The following MARCHF1 variants were observed in gnomAD, a reference collection of about 807,000 sequenced individuals.
MARCHF1 encodes E3 ubiquitin-protein ligase MARCHF1.
Under a neutral mutation model 54.2 loss-of-function variants are expected in MARCHF1, and 40 were observed. The observed-to-expected ratio is 0.74, with a 90% CI of 0.57 to 0.96. The LOEUF (loss-of-function observed/expected upper bound fraction) is 0.96. Among genes scored for constraint, MARCHF1 ranks in the 40% least tolerant of loss-of-function variants. MARCHF1 has a pLI of 0.00. For synonymous variants in MARCHF1, 236 were observed against 236.3 expected (o/e 1.00, Z 0.01); for missense variants, 586 against 656.5 (o/e 0.89, Z 1.17).
intron 5 of MARCHF1, among the ~76,000 whole-genome samples, chr4:163,700,593 C>T (rs1236621172): frequency 1.4e-5 from 2 of 147,432 alleles, no homozygotes; most frequent in Non-Finnish European, 3.0e-5. Context: ...AGGAAATTAT[C>T]TCTTGCACAC....
At chr4:164,105,923 AAAAC>A (rs1214780468) in intron 2 of MARCHF1, among the ~76,000 whole-genome samples, 8 of 147,854 alleles carry the variant, frequency 5.4e-5, no homozygotes, top group Admixed American at 4.0e-4. Flanking sequence ...TTACAAGAAA[AAAAC>A]AAACAACCCC....
intron 5 of MARCHF1, among the ~76,000 whole-genome samples, chr4:163,657,922 T>G (rs184150572): frequency 5.9e-5 from 9 of 152,210 alleles, no homozygotes; most frequent in Admixed American, 2.0e-4. Flanking sequence ...CAAGATGGAT[T>G]AAAGACTTAA....
At chr4:163,799,663 C>T (rs906833775) in intron 4 of MARCHF1, among the ~76,000 whole-genome samples, 2 of 152,016 alleles carry the variant, frequency 1.3e-5, no homozygotes, top group African/African-American at 2.4e-5. Context: ...AAAAATAAGA[C>T]AGTAACCATT....
chr4:164,083,078 T>C (rs1055334544), intron 2 of MARCHF1, among the ~76,000 whole-genome samples: 2 of 152,180 alleles, frequency 1.3e-5, no homozygotes, highest in Middle Eastern at 3.2e-3. Context: ...CATGTACCAC[T>C]CTTCATTTCT....
intron 4 of MARCHF1, among the ~76,000 whole-genome samples, chr4:163,798,334 A>G (rs987540028): frequency 1.3e-5 from 2 of 152,136 alleles, no homozygotes; most frequent in African/African-American, 4.8e-5. Flanking sequence ...TGGAACCCTG[A>G]TTTTAGATTT....
chr4:163,816,961 A>T (rs1313404489), intron 4 of MARCHF1, among the ~76,000 whole-genome samples: 1 of 151,968 alleles, frequency 6.6e-6, no homozygotes, highest in Non-Finnish European at 1.5e-5. Context: ...GGTTCAACCT[A>T]ATTTGCTTGG....
At chr4:163,800,994 C>T (rs748010098) in intron 4 of MARCHF1, among the ~76,000 whole-genome samples, 1 of 152,110 alleles carries the variant, frequency 6.6e-6, no homozygotes, top group Non-Finnish European at 1.5e-5. Context: ...ATCCTGTAGA[C>T]TACCATGAAC....
Position 163,890,746 on chromosome 4 carries a change from C to T in MARCHF1, c.-38-36577G>A, listed in dbSNP as rs909629191. On this transcript the variant is annotated intron_variant, in intron 3 of 9. Transcript: ENST00000514618. ...TTGTGTATAATTACTTTTGGAATAA[C>T]AATCTGCCTGCCTTGGCCTCCCAAA... 4.6e-5 allele frequency among the ~76,000 whole-genome samples: 7 copies of T among 151,894 alleles called. No individual in the cohort carries two copies. In the East Asian group the frequency reaches 1.4e-3, roughly 30 times the overall value.
intron 3 of MARCHF1, among the ~76,000 whole-genome samples, chr4:163,951,008 G>A (rs763442582): frequency 2.0e-5 from 3 of 152,132 alleles, no homozygotes; most frequent in Non-Finnish European, 4.4e-5. Context: ...AGAGAGTCAA[G>A]TCATGTAAAC....
At chr4:164,207,622 A>G (rs1202525112) in intron 1 of MARCHF1, among the ~76,000 whole-genome samples, 1 of 152,176 alleles carries the variant, frequency 6.6e-6, no homozygotes, top group Non-Finnish European at 1.5e-5. Flanking sequence ...TAGAGCTAGC[A>G]GATGAAGGGC....
chr4:163,951,045 G>C (rs1347666443), intron 3 of MARCHF1, among the ~76,000 whole-genome samples: 1 of 152,030 alleles, frequency 6.6e-6, no homozygotes, highest in Non-Finnish European at 1.5e-5. Context: ...CAAAAAATGA[G>C]AGCACACAAA....
intron 2 of MARCHF1, among the ~76,000 whole-genome samples, chr4:164,014,379 A>G (rs185767519): frequency 1.3e-5 from 2 of 152,266 alleles, no homozygotes; most frequent in African/African-American, 2.4e-5. Flanking sequence ...TATGGTAACC[A>G]TAAAACAAAA....
intron 1 of MARCHF1, among the ~76,000 whole-genome samples, chr4:164,257,524 T>C (rs1370776783): frequency 6.6e-6 from 1 of 151,912 alleles, no homozygotes; most frequent in Non-Finnish European, 1.5e-5. Context: ...TTCTTATCTA[T>C]TAACTAGCTA....
At chr4:164,077,726 G>T (rs886606450) in intron 2 of MARCHF1, among the ~76,000 whole-genome samples, 1 of 152,188 alleles carries the variant, frequency 6.6e-6, no homozygotes, top group Non-Finnish European at 1.5e-5. Flanking sequence ...TGAAGGATAT[G>T]AACAGACACA....
At chr4:163,873,823 T>C (rs1293051265) in intron 3 of MARCHF1, among the ~76,000 whole-genome samples, 2 of 152,176 alleles carry the variant, frequency 1.3e-5, no homozygotes, top group African/African-American at 4.8e-5. Flanking sequence ...TCTTGTGAAG[T>C]TGTAGGCAGA....
chr4:163,998,783 A>T (rs1396118638), intron 2 of MARCHF1, among the ~76,000 whole-genome samples: 2 of 151,584 alleles, frequency 1.3e-5, no homozygotes, highest in Non-Finnish European at 3.0e-5. Flanking sequence ...AATGACAGGA[A>T]TTTTTTCTAC....
intron 2 of MARCHF1, among the ~76,000 whole-genome samples, chr4:164,056,352 T>C (rs139142124): frequency 1.4e-3 from 220 of 152,302 alleles, no homozygotes; most frequent in East Asian, 9.8e-3. Context: ...GATCCTGCTG[T>C]CTGATCAGGA....
At chr4:163,672,057 G>A (rs1358000533) in intron 5 of MARCHF1, among the ~76,000 whole-genome samples, 1 of 152,164 alleles carries the variant, frequency 6.6e-6, no homozygotes, top group South Asian at 2.1e-4. Context: ...TTTATACAAA[G>A]AGGACTAAGA....
intron 3 of MARCHF1, among the ~76,000 whole-genome samples, chr4:163,912,007 A>C (rs1161001399): frequency 6.6e-6 from 1 of 152,092 alleles, no homozygotes; most frequent in Non-Finnish European, 1.5e-5. Context: ...TCTCAGAAGA[A>C]AAGAAATCGT....
Sources: allele counts gnomAD v4.1 joint callset (sites outside exome capture counted in the v4.1 genomes callset), GRCh38; gene constraint gnomAD v4.1.1; transcripts MANE v1.5; gene names NCBI Gene and HGNC (gene_info 2026-07-23, HGNC 2026-07-21).